Variants in SLC44A1 observed in about 807,000 individuals in gnomAD.
The protein encoded by SLC44A1 is choline transporter-like protein 1.
A neutral mutation model predicts 79.3 loss-of-function variants in SLC44A1; 26 were observed. That is an observed-to-expected ratio of 0.33 (90% CI 0.24 to 0.46). The LOEUF (loss-of-function observed/expected upper bound fraction) is 0.46, where lower values mean the gene tolerates loss of function less well. Among genes scored for constraint, SLC44A1 ranks in the 20% least tolerant of loss-of-function variants. The pLI, the probability that SLC44A1 is intolerant of heterozygous loss-of-function variation, is 1.00. For synonymous variants in SLC44A1, 263 were observed against 286.2 expected (o/e 0.92, Z 0.82); for missense variants, 688 against 798.1 (o/e 0.86, Z 1.66).
Position 105,390,239 on chromosome 9 carries a change from A to ATTGTTC in SLC44A1, c.*1185_*1190dup, listed in dbSNP as rs1828728893. The ATTGTTC allele has an allele frequency of 6.4e-6, 7 of 1,087,134 alleles. No homozygotes were observed. The highest frequency in any genetic ancestry group is 7.8e-6 in the Non-Finnish European group (7 of 896,116). The allele number at this position is 1,087,134 out of a possible 1,614,324, so 67.3% of individuals were successfully genotyped here. ...ACCAGATATGAATGGCTAATACTCC[A>ATTGTTC]TTGTTCTGCTTGTTGTAATGGTGAA... On this transcript the variant is annotated 3_prime_UTR_variant, in exon 16 of 16. Transcript: ENST00000374720.
At chr9:105,326,576 T>C (rs2131342378) in intron 3 of SLC44A1, among the ~76,000 whole-genome samples, 1 of 152,348 alleles carries the variant, frequency 6.6e-6, no homozygotes, top group East Asian at 1.9e-4. Flanking sequence ...GTATCTTCTT[T>C]GGCTCTTTCG....
Position 105,286,757 on chromosome 9 carries a change from G to T in SLC44A1, c.37-12463G>T, listed in dbSNP as rs141713857. On this transcript the variant is annotated intron_variant, in intron 1 of 15. Transcript: ENST00000374720. ...GCAGGAGGATCACTTAAGGCCAGGAGTTTGAGACCAGCCTGGGCAACATAA... is the reference window on the plus strand; with the variant it reads ...GCAGGAGGATCACTTAAGGCCAGGATTTTGAGACCAGCCTGGGCAACATAA... 1.2e-4 allele frequency among the ~76,000 whole-genome samples: 18 copies of T among 152,194 alleles called. No homozygotes were observed. In the East Asian group the frequency reaches 3.5e-3, roughly 29 times the overall value.
chr9:105,321,707 T>C (rs1448341788), intron 3 of SLC44A1, among the ~76,000 whole-genome samples: 1 of 152,092 alleles, frequency 6.6e-6, no homozygotes, highest in East Asian at 1.9e-4. Context: ...GTCGTTTGTC[T>C]TATCAGTGCA....
chr9:105,341,375 T>G (rs997145875), intron 4 of SLC44A1, among the ~76,000 whole-genome samples: 1 of 149,156 alleles, frequency 6.7e-6, no homozygotes, highest in African/African-American at 2.5e-5. Context: ...ATAATAATAA[T>G]AAAAGAACTG....
intron 5 of SLC44A1, among the ~76,000 whole-genome samples, chr9:105,352,487 T>C (rs993126383): frequency 6.6e-6 from 1 of 152,180 alleles, no homozygotes; most frequent in Non-Finnish European, 1.5e-5. Context: ...AATTAAAAAT[T>C]TTTAAAAGAC....
intron 1 of SLC44A1, among the ~76,000 whole-genome samples, chr9:105,288,690 G>A (rs969577822): frequency 3.3e-4 from 50 of 152,174 alleles, no homozygotes; most frequent in Non-Finnish European, 1.3e-4. Flanking sequence ...CTTCTGAAAT[G>A]TATTGCCAAA....
chr9:105,287,978 ATATAT>A (rs1310009740), intron 1 of SLC44A1, among the ~76,000 whole-genome samples: 8 of 152,366 alleles, frequency 5.3e-5, no homozygotes, highest in African/African-American at 1.9e-4. Context: ...AAATGGGAGC[ATATAT>A]TATATATAAT....
At chr9:105,413,403 T>C (rs987812732) in intron 15 of SLC44A1, among the ~76,000 whole-genome samples, 1 of 152,192 alleles carries the variant, frequency 6.6e-6, no homozygotes, top group African/African-American at 2.4e-5. Context: ...CTTCCCAATA[T>C]AGGTGCCGCC....
At chr9:105,257,477 C>T (rs1157673086) in intron 1 of SLC44A1, among the ~76,000 whole-genome samples, 5 of 152,056 alleles carry the variant, frequency 3.3e-5, no homozygotes, top group Non-Finnish European at 5.9e-5. Context: ...GGGATCCACC[C>T]ATCTTGGCCT....
intron 15 of SLC44A1, among the ~76,000 whole-genome samples, chr9:105,419,952 TC>T (rs1829224080): frequency 6.6e-6 from 1 of 151,640 alleles, no homozygotes; most frequent in South Asian, 2.1e-4. Context: ...GCAATATGTT[TC>T]CATGCTGCCT....
Position 105,393,954 on chromosome 9 carries a change from A to G in SLC44A1, c.*4898A>G. 1 of 984,158 alleles carries G rather than the reference A, an allele frequency of 1.0e-6. No homozygotes were observed. The highest frequency in any genetic ancestry group is 1.2e-6 in the Non-Finnish European group (1 of 828,824). The allele number at this position is 984,158 out of a possible 1,614,324, so 61.0% of individuals were successfully genotyped here. A position where few individuals can be genotyped will look rare whatever the true frequency, so the allele number is the denominator to read the frequency against. On this transcript the variant is annotated 3_prime_UTR_variant, in exon 16 of 16. Coordinates refer to ENST00000374720, the MANE Select transcript of SLC44A1 (RefSeq NM_080546.5). ...AATGTCTCAGAAATTTCTCACTTTT[A>G]TTTGCTAAGACCTGAATTTAATATT... is the stretch of plus-strand genomic sequence containing the variant.
Position 105,403,564 on chromosome 9 carries a change from A to G in SLC44A1, c.1950+18062A>G, listed in dbSNP as rs150469374. 1.2e-3 allele frequency among the ~76,000 whole-genome samples: 174 copies of G among 151,146 alleles called. 1 individual carries two copies. Among genetic ancestry groups the G allele is most frequent in the Middle Eastern group, 6.8e-3 (2 of 294 alleles). On this transcript the variant is annotated intron_variant, in intron 15 of 15. Transcript: ENST00000374724. Reference sequence around the variant, plus strand: ...GAGTTCTACATTAGCTAAGAATACCAGAATAAGAGACCCAGCCTCTGCTCT... The same window carrying G: ...GAGTTCTACATTAGCTAAGAATACCGGAATAAGAGACCCAGCCTCTGCTCT...
In SLC44A1 at chr9:105,396,252, A is replaced by T; in HGVS notation, c.*7196A>T. On this transcript the variant is annotated 3_prime_UTR_variant, in exon 16 of 16. Coordinates refer to ENST00000374720, the MANE Select transcript of SLC44A1 (RefSeq NM_080546.5). ...TTTCTCAGAATATTCTGGACCACTG[A>T]ATGCACTTCTAATAGAGCTTTAATC... The T allele has an allele frequency of 1.0e-6, 1 of 985,242 alleles. No homozygotes were observed. Among genetic ancestry groups the T allele is most frequent in the South Asian group, 4.7e-5 (1 of 21,282 alleles). 61.0% of individuals were successfully genotyped at this position (985,242 alleles called of 1,614,324 possible).
chr9:105,318,865 C>A (rs1179056732), intron 3 of SLC44A1, among the ~76,000 whole-genome samples: 1 of 151,948 alleles, frequency 6.6e-6, no homozygotes, highest in Non-Finnish European at 1.5e-5. Flanking sequence ...GGTTTTTCTC[C>A]GTGTTGTTTG....
At chr9:105,262,116 G>A (rs533595087) in intron 1 of SLC44A1, among the ~76,000 whole-genome samples, 67 of 152,150 alleles carry the variant, frequency 4.4e-4, no homozygotes, top group Middle Eastern at 3.4e-3. Flanking sequence ...TATTAGTATA[G>A]TTTACAAGGT....
chr9:105,417,014 A>AAAGGTT (rs1281604477), intron 15 of SLC44A1, among the ~76,000 whole-genome samples: 1 of 152,182 alleles, frequency 6.6e-6, no homozygotes, highest in East Asian at 1.9e-4. Context: ...GTGTGCTGTA[A>AAAGGTT]AAGGTTTTGG....
chr9:105,351,577 A>AG (rs1564452615), intron 5 of SLC44A1, among the ~76,000 whole-genome samples: 11 of 123,092 alleles, frequency 8.9e-5, no homozygotes, highest in African/African-American at 3.9e-4. Context: ...AGAAAGAGAG[A>AG]AAGAGAGAAA....
At chr9:105,386,496 A>T (rs529673605) in intron 15 of SLC44A1, 1 of 924,798 alleles carries the variant, frequency 1.1e-6, no homozygotes, top group Admixed American at 6.2e-5. Context: ...AAGTTTGTCC[A>T]ACTTGCTGCC....
intron 5 of SLC44A1, among the ~76,000 whole-genome samples, chr9:105,352,515 T>G (rs913489851): frequency 3.9e-5 from 6 of 152,246 alleles, no homozygotes; most frequent in African/African-American, 1.4e-4. Context: ...AAGTTCATTT[T>G]GTTCTTGTTG....
Sources: gnomAD v4.1 joint callset for allele counts (sites outside exome capture counted in the v4.1 genomes callset) on GRCh38, gnomAD v4.1.1 for gene constraint, MANE v1.5 for transcripts, NCBI Gene and HGNC (gene_info 2026-07-23, HGNC 2026-07-21) for gene names.